The following SPATA31C1 variants were observed in gnomAD, a reference collection of about 807,000 sequenced individuals.
SPATA31C1 encodes spermatogenesis-associated protein 31C1.
exon 5 of SPATA31C1, chr9:87,922,638 C>T (rs774291529): frequency 6.2e-7 from 1 of 1,608,820 alleles, no homozygotes; most frequent in South Asian, 1.1e-5. Flanking sequence ...GGGCCATCTC[C>T]AGAGCACGCC....
exon 5 of SPATA31C1, chr9:87,923,385 C>T: frequency 1.2e-6 from 2 of 1,602,572 alleles, no homozygotes; most frequent in Non-Finnish European, 1.7e-6. Flanking sequence ...ACATCCCCAA[C>T]TCTTGCTCCC....
chr9:87,915,905 G>GA (rs1828704591), intron 1 of SPATA31C1, among the ~76,000 whole-genome samples: 1 of 144,220 alleles, frequency 6.9e-6, no homozygotes, highest in Non-Finnish European at 1.5e-5. Context: ...CTGTATTATA[G>GA]AAAAAACTAT....
At chr9:87,919,723 T>C (rs1323975376) in intron 3 of SPATA31C1, among the ~76,000 whole-genome samples, 193 bp from the exon 3 acceptor site, 5 of 115,558 alleles carry the variant, frequency 4.3e-5, no homozygotes, top group East Asian at 4.8e-4. Context: ...GGTCTGTGTG[T>C]GGAAGCCCTT....
intron 1 of SPATA31C1, among the ~76,000 whole-genome samples, chr9:87,915,539 G>C (rs564155339): frequency 6.9e-6 from 1 of 145,432 alleles, no homozygotes; most frequent in Non-Finnish European, 1.5e-5. Context: ...GACTTTAGGT[G>C]ATCCACCTGC....
chr9:87,916,342 T>C (rs2117971243), intron 1 of SPATA31C1, among the ~76,000 whole-genome samples: 1 of 146,976 alleles, frequency 6.8e-6, no homozygotes, highest in East Asian at 2.1e-4. Flanking sequence ...GAATAATTAT[T>C]AGACATGACA....
intron 2 of SPATA31C1, 63 bp from the exon 2 acceptor site, chr9:87,919,192 T>C: frequency 6.3e-7 from 1 of 1,594,456 alleles, no homozygotes; most frequent in Non-Finnish European, 8.6e-7. Context: ...GAGTGCAGCG[T>C]GCTGCGGCTG....
At chr9:87,921,711 G>A (rs748389682) in exon 5 of SPATA31C1, 39 of 1,611,942 alleles carry the variant, frequency 2.4e-5, no homozygotes, top group Non-Finnish European at 3.2e-5. Context: ...CCCCGTGAGT[G>A]TGCGTCGATC....
exon 5 of SPATA31C1, chr9:87,922,322 G>C (rs774094926): frequency 1.2e-6 from 2 of 1,611,472 alleles, no homozygotes; most frequent in Non-Finnish European, 1.7e-6. Context: ...AGACCAGGGA[G>C]GCAGTGCCAC....
chr9:87,919,322 G>A (rs190331019), exon 3 of SPATA31C1: 51 of 1,601,990 alleles, frequency 3.2e-5, no homozygotes, highest in African/African-American at 6.7e-5. Flanking sequence ...AGGCCCAGAG[G>A]CAGGATGAAA....
exon 5 of SPATA31C1, chr9:87,921,809 T>A: frequency 6.2e-7 from 1 of 1,612,042 alleles, no homozygotes; most frequent in Non-Finnish European, 8.5e-7. Flanking sequence ...GGAAAGCCTG[T>A]GTAAACACAG....
At chr9:87,922,501 T>C in exon 5 of SPATA31C1, 1 of 1,610,678 alleles carries the variant, frequency 6.2e-7, no homozygotes, top group Non-Finnish European at 8.5e-7. Flanking sequence ...GTTAGTGAAT[T>C]TGAGCCTGGA....
exon 5 of SPATA31C1, chr9:87,922,809 C>T: frequency 1.2e-6 from 2 of 1,606,218 alleles, no homozygotes; most frequent in Non-Finnish European, 1.7e-6. Context: ...CTCTAGGAAG[C>T]CCAACTTAGA....
At chr9:87,921,004 C>CT (rs1308664471) in exon 5 of SPATA31C1, 1 of 1,612,610 alleles carries the variant, frequency 6.2e-7, no homozygotes, top group South Asian at 1.1e-5. Context: ...CTTCAATCCT[C>CT]TTTCCCAGTC....
In SPATA31C1 at chr9:87,916,858, G is replaced by A. The variant is rs573892016; in HGVS notation, n.190-989G>A. Among the ~76,000 whole-genome samples the A allele has an allele frequency of 9.9e-4, 76 of 76,716 alleles. 1 individual carries two copies. Among genetic ancestry groups the A allele is most frequent in the East Asian group, 4.3e-4 (1 of 2,322 alleles). The allele number at this position is 76,716 out of a possible 152,430, so 50.3% of individuals were successfully genotyped here. A position where few individuals can be genotyped will look rare whatever the true frequency, so the allele number is the denominator to read the frequency against. ...CAAAAATACAAAAAATTAGCCGGGC[G>A]TGGTAGCACATGCCTGTAGTCCCAG... On this transcript the variant is annotated intron_variant and non_coding_transcript_variant, in intron 1 of 4. Coordinates refer to ENST00000420021, the Ensembl canonical transcript of SPATA31C1.
chr9:87,921,554 C>G (rs1178015419), exon 5 of SPATA31C1: 1 of 1,611,970 alleles, frequency 6.2e-7, no homozygotes, highest in African/African-American at 1.3e-5. Flanking sequence ...TGGGGGCGAC[C>G]TCTGAGGAGT....
intron 1 of SPATA31C1, among the ~76,000 whole-genome samples, chr9:87,917,274 CGTG>C (rs1247282265): frequency 6.9e-6 from 1 of 145,414 alleles, no homozygotes; most frequent in Non-Finnish European, 1.5e-5. Context: ...ATTAGCAGGG[CGTG>C]GTGGTGGTGG....
exon 5 of SPATA31C1, chr9:87,920,690 C>T (rs370980409): frequency 1.0e-4 from 165 of 1,613,972 alleles, no homozygotes; most frequent in East Asian, 1.0e-3. Context: ...CACTGGACAC[C>T]GTCCCTCAAA....
exon 5 of SPATA31C1, chr9:87,921,918 G>A: frequency 1.2e-6 from 2 of 1,612,048 alleles, no homozygotes; most frequent in South Asian, 1.1e-5. Flanking sequence ...ACCCCTCAGG[G>A]TCCTCAAGCC....
chr9:87,920,640 A>C, exon 5 of SPATA31C1: 1 of 1,613,048 alleles, frequency 6.2e-7, no homozygotes. Flanking sequence ...GCGGGACTCC[A>C]CTCTGTTAAC....
Sources: allele counts gnomAD v4.1 joint callset (sites outside exome capture counted in the v4.1 genomes callset), GRCh38; gene constraint gnomAD v4.1.1; transcripts MANE v1.5; gene names NCBI Gene and HGNC (gene_info 2026-07-23, HGNC 2026-07-21).